Variants in PRKACB observed in about 807,000 individuals in gnomAD.
PRKACB encodes the protein protein kinase cAMP-activated catalytic subunit beta.
In PRKACB, 16 loss-of-function variants were observed where a neutral mutation model predicts 51.4. The ratio of observed to expected loss-of-function variants is 0.31; its 90% CI spans 0.21 to 0.47. The LOEUF is 0.47. Among genes scored for constraint, PRKACB ranks in the 20% least tolerant of loss-of-function variants. The pLI is 1.00. For synonymous variants in PRKACB, 147 were observed against 154.4 expected (o/e 0.95, Z 0.35); for missense variants, 309 against 464.5 (o/e 0.67, Z 3.08).
intron 9 of PRKACB, among the ~76,000 whole-genome samples, chr1:84,231,811 T>C (rs1572600151): frequency 1.3e-5 from 2 of 152,282 alleles, no homozygotes; most frequent in South Asian, 4.1e-4. Flanking sequence ...TTCTTCTCTC[T>C]TTTTTCTTTA....
intron 3 of PRKACB, among the ~76,000 whole-genome samples, chr1:84,183,514 A>G (rs961848810): frequency 1.3e-5 from 2 of 151,452 alleles, no homozygotes; most frequent in African/African-American, 2.4e-5. Context: ...TTTACTCACT[A>G]TTTTTCAGTT....
intron 2 of PRKACB, among the ~76,000 whole-genome samples, chr1:84,180,095 C>T (rs578177733): frequency 1.3e-3 from 181 of 141,850 alleles, no homozygotes; most frequent in African/African-American, 4.2e-3. Flanking sequence ...TACTTGCACA[C>T]GCATGCTTAT....
intron 1 of PRKACB, among the ~76,000 whole-genome samples, chr1:84,105,221 C>A (rs1329746477): frequency 6.6e-6 from 1 of 152,110 alleles, no homozygotes; most frequent in Non-Finnish European, 1.5e-5. Context: ...TGGAAGTCTT[C>A]TTTCTTGACC....
At chr1:84,078,325 C>T (rs1270967600) in exon 1 of PRKACB, 2 of 1,610,916 alleles carry the variant, frequency 1.2e-6, no homozygotes, top group Admixed American at 1.7e-5. Context: ...TCGCCCCAGA[C>T]ATGGGGAACG....
intron 5 of PRKACB, among the ~76,000 whole-genome samples, chr1:84,190,590 A>G (rs1054471597): frequency 2.6e-5 from 4 of 152,084 alleles, no homozygotes; most frequent in Non-Finnish European, 4.4e-5. Flanking sequence ...ATAATAGCAT[A>G]TACAAAGATC....
chr1:84,169,405 T>A (rs781212463), intron 1 of PRKACB, among the ~76,000 whole-genome samples: 1 of 151,750 alleles, frequency 6.6e-6, no homozygotes, highest in Non-Finnish European at 1.5e-5. Flanking sequence ...AATGTTGTGA[T>A]AGGAAAAAGT....
chr1:84,085,135 A>G (rs1366619421), intron 1 of PRKACB, among the ~76,000 whole-genome samples: 1 of 152,236 alleles, frequency 6.6e-6, no homozygotes, highest in Admixed American at 6.5e-5. Context: ...ATTTAAAATC[A>G]TAAAATATTA....
chr1:84,082,672 C>T (rs1005313032), intron 1 of PRKACB, among the ~76,000 whole-genome samples: 2 of 152,108 alleles, frequency 1.3e-5, no homozygotes, highest in African/African-American at 4.8e-5. Flanking sequence ...TGGAAGTGAT[C>T]TCCACCTATG....
intron 1 of PRKACB, among the ~76,000 whole-genome samples, chr1:84,123,466 A>G (rs745396957): frequency 5.3e-5 from 8 of 152,190 alleles, no homozygotes; most frequent in Non-Finnish European, 8.8e-5. Flanking sequence ...ATGTACAACA[A>G]CAAAGTACTA....
chr1:84,183,875 CTT>C (rs1276915669), intron 3 of PRKACB, among the ~76,000 whole-genome samples, 160 bp from the exon 4 acceptor site: 6 of 151,900 alleles, frequency 3.9e-5, no homozygotes, highest in African/African-American at 1.4e-4. Flanking sequence ...ACCGCAATTA[CTT>C]ATGCACCAAC....
At chr1:84,084,809 G>A (rs747353627) in intron 1 of PRKACB, among the ~76,000 whole-genome samples, 2 of 152,126 alleles carry the variant, frequency 1.3e-5, no homozygotes, top group African/African-American at 4.8e-5. Context: ...GGGGGTTGGG[G>A]TGGGGACTTA....
At chr1:84,102,394 A>C (rs1326578703) in intron 1 of PRKACB, among the ~76,000 whole-genome samples, 1 of 152,110 alleles carries the variant, frequency 6.6e-6, no homozygotes, top group Non-Finnish European at 1.5e-5. Flanking sequence ...CTCAAAAAAA[A>C]TAAAAAATGA....
upstream of PRKACB, among the ~76,000 whole-genome samples, chr1:84,142,570 T>A (rs534657598): frequency 5.8e-4 from 88 of 152,356 alleles, no homozygotes; most frequent in African/African-American, 2.1e-3. Flanking sequence ...ATATAGATGC[T>A]GTTGCATATT....
At chr1:84,115,298 A>T (rs559825802) in intron 1 of PRKACB, among the ~76,000 whole-genome samples, 3 of 151,378 alleles carry the variant, frequency 2.0e-5, no homozygotes, top group East Asian at 3.9e-4. Flanking sequence ...GATGTTGAGC[A>T]TTTTTCATAA....
chr1:84,171,299 GA>G (rs1309413360), intron 1 of PRKACB, among the ~76,000 whole-genome samples: 2 of 151,434 alleles, frequency 1.3e-5, no homozygotes, highest in Non-Finnish European at 3.0e-5. Flanking sequence ...TGATAAAGAC[GA>G]GCAAAGATCA....
At chr1:84,124,763 T>G (rs1040753652) in intron 1 of PRKACB, among the ~76,000 whole-genome samples, 1 of 152,168 alleles carries the variant, frequency 6.6e-6, no homozygotes, top group Non-Finnish European at 1.5e-5. Flanking sequence ...ATCTTCACAT[T>G]TCAGGTATTT....
At chr1:84,078,296 C>A in exon 1 of PRKACB, 1 of 1,598,650 alleles carries the variant, frequency 6.3e-7, no homozygotes, top group South Asian at 1.1e-5. Context: ...CCCTTCCCTT[C>A]CCTGACCCCT....
chr1:84,228,804 G>T (rs1310846647), intron 9 of PRKACB, among the ~76,000 whole-genome samples: 4 of 152,144 alleles, frequency 2.6e-5, no homozygotes, highest in Middle Eastern at 3.4e-3. Flanking sequence ...GAGGAGAAAA[G>T]AATTTTTACA....
chr1:84,079,161 GTGTT>G (rs773060851), intron 1 of PRKACB, among the ~76,000 whole-genome samples: 7 of 151,066 alleles, frequency 4.6e-5, no homozygotes, highest in South Asian at 2.1e-4. Flanking sequence ...GTGTGTCTGT[GTGTT>G]TGTGTGTGCA....
Sources: gnomAD v4.1 joint callset for allele counts (sites outside exome capture counted in the v4.1 genomes callset) on GRCh38, gnomAD v4.1.1 for gene constraint, MANE v1.5 for transcripts, NCBI Gene and HGNC (gene_info 2026-07-23, HGNC 2026-07-21) for gene names.